The following ROBO2 variants were observed in gnomAD, a reference collection of about 807,000 sequenced individuals.
ROBO2 encodes the protein roundabout homolog 2.
ROBO2 carries 53 observed loss-of-function variants against 160.8 expected under a neutral mutation model. The observed-to-expected ratio is 0.33, with a 90% CI of 0.26 to 0.41. ROBO2 has a LOEUF of 0.41. Among genes scored for constraint, ROBO2 ranks in the 10% least tolerant of loss-of-function variants. ROBO2 has a pLI of 1.00. For missense variants in ROBO2, 1,577 were observed against 1,722.4 expected (o/e 0.92, Z 1.49); for synonymous variants, 664 against 611.7 (o/e 1.09, Z -1.26).
intron 2 of ROBO2, among the ~76,000 whole-genome samples, chr3:76,238,690 A>G (rs1705107198): frequency 6.6e-6 from 1 of 151,786 alleles, no homozygotes; most frequent in African/African-American, 2.4e-5. Context: ...TCCATGATCT[A>G]ATCAACTCCC....
At chr3:77,418,320 A>G (rs2077429545) in intron 2 of ROBO2, among the ~76,000 whole-genome samples, 1 of 152,144 alleles carries the variant, frequency 6.6e-6, no homozygotes, top group Non-Finnish European at 1.5e-5. Context: ...TTATCATCAT[A>G]TTGACTCTGC....
At chr3:76,535,890 C>T (rs550337913) in intron 2 of ROBO2, among the ~76,000 whole-genome samples, 53 of 152,154 alleles carry the variant, frequency 3.5e-4, no homozygotes, top group African/African-American at 1.1e-3. Context: ...AGGGGGCTTC[C>T]GAGGTGATTG....
intron 2 of ROBO2, among the ~76,000 whole-genome samples, chr3:76,878,608 A>G (rs2073023022): frequency 6.6e-6 from 1 of 151,862 alleles, no homozygotes; most frequent in Non-Finnish European, 1.5e-5. Context: ...ATTGTGTACC[A>G]AGATTACCAA....
chr3:76,430,370 T>C (rs2109010233), intron 2 of ROBO2, among the ~76,000 whole-genome samples: 1 of 152,288 alleles, frequency 6.6e-6, no homozygotes, highest in Admixed American at 6.5e-5. Context: ...CATTTAGTGA[T>C]CACAACTACG....
chr3:76,618,283 A>G (rs922035908), intron 2 of ROBO2, among the ~76,000 whole-genome samples: 1 of 151,650 alleles, frequency 6.6e-6, no homozygotes, highest in African/African-American at 2.4e-5. Flanking sequence ...CATTACATAG[A>G]GACTGCTGTT....
intron 2 of ROBO2, among the ~76,000 whole-genome samples, chr3:77,458,743 T>C (rs1410014808): frequency 6.6e-6 from 1 of 152,192 alleles, no homozygotes; most frequent in East Asian, 1.9e-4. Context: ...GCATAATAAC[T>C]GATTATAATG....
At chr3:76,345,376 AG>A (rs1485383679) in intron 2 of ROBO2, among the ~76,000 whole-genome samples, 1 of 150,870 alleles carries the variant, frequency 6.6e-6, no homozygotes, top group Non-Finnish European at 1.5e-5. Flanking sequence ...GAGATGTGTG[AG>A]AATGTGTATA....
At chr3:77,541,588 A>G (rs2092462937) in intron 6 of ROBO2, among the ~76,000 whole-genome samples, 1 of 152,246 alleles carries the variant, frequency 6.6e-6, no homozygotes, top group Non-Finnish European at 1.5e-5. Context: ...TCTGGAAATC[A>G]CACAACATAC....
chr3:77,486,145 T>G (rs1201312533), intron 4 of ROBO2, among the ~76,000 whole-genome samples: 1 of 152,226 alleles, frequency 6.6e-6, no homozygotes. Context: ...TATTCCATGG[T>G]GTATTTGTAC....
At chr3:76,590,553 A>C (rs2086350241) in intron 2 of ROBO2, among the ~76,000 whole-genome samples, 3 of 152,134 alleles carry the variant, frequency 2.0e-5, no homozygotes, top group African/African-American at 7.2e-5. Context: ...TCAACTTTTG[A>C]AGGTGGAAGT....
At chr3:77,393,764 C>G (rs1317464032) in intron 2 of ROBO2, among the ~76,000 whole-genome samples, 1 of 151,682 alleles carries the variant, frequency 6.6e-6, no homozygotes, top group Non-Finnish European at 1.5e-5. Flanking sequence ...TCATTATTTG[C>G]TATTCATATA....
chr3:76,215,994 G>C (rs1401987255), intron 2 of ROBO2, among the ~76,000 whole-genome samples: 1 of 152,152 alleles, frequency 6.6e-6, no homozygotes, highest in African/African-American at 2.4e-5. Context: ...GAAGAGAGTG[G>C]GGGTCAATAT....
intron 21 of ROBO2, among the ~76,000 whole-genome samples, chr3:77,610,841 A>T (rs1212032837): frequency 6.6e-6 from 1 of 151,604 alleles, no homozygotes; most frequent in Non-Finnish European, 1.5e-5. Flanking sequence ...TCCTTTGGAA[A>T]CCCCACCCTC....
intron 2 of ROBO2, among the ~76,000 whole-genome samples, chr3:76,896,515 G>A (rs2074789446): frequency 6.6e-6 from 1 of 151,992 alleles, no homozygotes; most frequent in Admixed American, 6.6e-5. Flanking sequence ...TCAAATAAAT[G>A]CTATTGGGTG....
At chr3:76,970,858 T>C (rs1327433714) in intron 2 of ROBO2, among the ~76,000 whole-genome samples, 2 of 152,186 alleles carry the variant, frequency 1.3e-5, no homozygotes, top group Non-Finnish European at 2.9e-5. Flanking sequence ...GTTCCTTCTA[T>C]TAGCTACATA....
chr3:77,009,945 T>TAA (rs11436984), intron 2 of ROBO2, among the ~76,000 whole-genome samples: 42,170 of 104,050 alleles, frequency 0.41, 9,101 homozygotes, highest in Non-Finnish European at 0.47. Context: ...GACTCTGTCT[T>TAA]AAAAAAAAAA....
At chr3:76,783,970 AC>A (rs1477620307) in intron 2 of ROBO2, among the ~76,000 whole-genome samples, 1 of 150,592 alleles carries the variant, frequency 6.6e-6, no homozygotes, top group Non-Finnish European at 1.5e-5. Context: ...CTTTGAGTTC[AC>A]TGACTTTTTT....
At chr3:76,348,642 C>T (rs1402876067) in intron 2 of ROBO2, among the ~76,000 whole-genome samples, 6 of 152,094 alleles carry the variant, frequency 3.9e-5, no homozygotes, top group Non-Finnish European at 8.8e-5. Flanking sequence ...AAATTAGAGA[C>T]TAAGGTCACA....
chr3:76,481,463 C>T (rs985189114), intron 2 of ROBO2, among the ~76,000 whole-genome samples: 4 of 152,136 alleles, frequency 2.6e-5, no homozygotes, highest in African/African-American at 4.8e-5. Flanking sequence ...ATAGTTATAG[C>T]ACATTCATTG....
Sources: allele counts gnomAD v4.1 joint callset (sites outside exome capture counted in the v4.1 genomes callset), GRCh38; gene constraint gnomAD v4.1.1; transcripts MANE v1.5; gene names NCBI Gene and HGNC (gene_info 2026-07-23, HGNC 2026-07-21).